Variants in FRMD4A observed in about 807,000 individuals in gnomAD.
The protein encoded by FRMD4A is FERM domain-containing protein 4A.
In FRMD4A, 29 loss-of-function variants were observed where a neutral mutation model predicts 129.1. That is an observed-to-expected ratio of 0.22 (90% CI 0.17 to 0.31). The LOEUF (loss-of-function observed/expected upper bound fraction) is 0.31, where lower values mean the gene tolerates loss of function less well. Among genes scored for constraint, FRMD4A ranks in the 10% least tolerant of loss-of-function variants. FRMD4A has a pLI of 1.00. For missense variants in FRMD4A, 1,272 were observed against 1,375.8 expected, an observed-to-expected ratio of 0.92 and a Z score of 1.19; for synonymous variants, 634 against 571.6, an observed-to-expected ratio of 1.11 and a Z score of -1.56.
At chr10:13,844,260 T>C (rs1311203578) in intron 3 of FRMD4A, among the ~76,000 whole-genome samples, 8 of 152,190 alleles carry the variant, frequency 5.3e-5, no homozygotes, top group Admixed American at 1.3e-4. Flanking sequence ...TTGGTTTATA[T>C]GTTAAACCAA....
chr10:14,309,692 A>G (rs1007996907), intron 2 of FRMD4A, among the ~76,000 whole-genome samples: 1 of 151,938 alleles, frequency 6.6e-6, no homozygotes, highest in South Asian at 2.1e-4. Context: ...CATATCTAAC[A>G]GTGGGTCCAG....
intron 2 of FRMD4A, among the ~76,000 whole-genome samples, chr10:13,977,750 T>C (rs2095547021): frequency 6.6e-6 from 1 of 152,258 alleles, no homozygotes; most frequent in Non-Finnish European, 1.5e-5. Context: ...TTTATATTAA[T>C]GGGGTCTTTG....
At chr10:13,827,774 AC>A (rs2093724735) in intron 3 of FRMD4A, among the ~76,000 whole-genome samples, 1 of 152,084 alleles carries the variant, frequency 6.6e-6, no homozygotes, top group Non-Finnish European at 1.5e-5. Context: ...CTCCAAGCCT[AC>A]CCCCAGGAGA....
rs540442058 is a variant in FRMD4A at position 13,789,936 on chromosome 10, T to A, written c.299+6560A>T. On this transcript the variant is annotated intron_variant, in intron 5 of 24. Transcript: ENST00000357447. ...AAAAAAATTATGAGCAAGGATCAGATGAGAATTCTAGAAAGATGCTCAGTG... is the reference window on the plus strand; with the variant it reads ...AAAAAAATTATGAGCAAGGATCAGAAGAGAATTCTAGAAAGATGCTCAGTG... Among the ~76,000 whole-genome samples the A allele has an allele frequency of 7.6e-4, 115 of 152,174 alleles. 2 individuals are homozygous for A. In the South Asian group the frequency reaches 0.022, roughly 30 times the overall value.
intron 2 of FRMD4A, among the ~76,000 whole-genome samples, chr10:14,047,231 A>G (rs1834026829): frequency 6.6e-6 from 1 of 152,114 alleles, no homozygotes; most frequent in Non-Finnish European, 1.5e-5. Context: ...GCTTTTATTG[A>G]TGGTCTTGCT....
At position 13,701,396 on chromosome 10, in the gene FRMD4A, T is replaced by A; in HGVS notation, c.919A>T (p.Ile307Phe). The A allele has an allele frequency of 6.2e-7, 1 of 1,614,128 alleles. No individual in the cohort carries two copies. Among genetic ancestry groups the A allele is most frequent in the Non-Finnish European group, 8.5e-7 (1 of 1,179,930 alleles). Residue 307 changes from isoleucine to phenylalanine, a missense_variant, in exon 14 of 25, where the codon ATC (isoleucine) becomes TTC (phenylalanine). This residue lies in a region of FRMD4A where 300 missense variants were observed against 483.6 expected (regional missense o/e 0.62). Transcript: ENST00000357447. Reference protein sequence around the residue: ...WYACPALIKSIWAMAISQHQF... With the variant: ...WYACPALIKSFWAMAISQHQF... ...TGTTGGCTTATGGCCATAGCCCAGA[T>A]GGACTTGATCAATGCCGGACATGCA...
At chr10:13,695,547 C>T (rs756240357) in intron 14 of FRMD4A, among the ~76,000 whole-genome samples, 6 of 152,210 alleles carry the variant, frequency 3.9e-5, no homozygotes, top group Non-Finnish European at 8.8e-5. Context: ...TTGTTTTCTT[C>T]TTCAGGAAAT....
chr10:13,709,904 A>G (rs1387215604), intron 12 of FRMD4A, among the ~76,000 whole-genome samples: 5 of 150,972 alleles, frequency 3.3e-5, no homozygotes, highest in Non-Finnish European at 7.4e-5. Context: ...TAATTTCCAT[A>G]GGTTTTTGGG....
chr10:13,891,781 G>T (rs565696469), intron 2 of FRMD4A: 2 of 961,318 alleles, frequency 2.1e-6, no homozygotes, highest in African/African-American at 1.9e-5. Flanking sequence ...CCCCGCCGCC[G>T]CCCCCGCCGC....
At chr10:14,057,432 C>T (rs1030461714) in intron 2 of FRMD4A, among the ~76,000 whole-genome samples, 11 of 152,288 alleles carry the variant, frequency 7.2e-5, no homozygotes, top group South Asian at 6.2e-4. Flanking sequence ...TACCAGGCTC[C>T]ATGGCTATTT....
rs558249233 is a variant in FRMD4A, at chr10:14,017,352, G to A, written c.46-158440C>T. On this transcript the variant is annotated intron_variant, in intron 2 of 24. Coordinates refer to ENST00000357447, the MANE Select transcript of FRMD4A (RefSeq NM_018027.5). ...CATTGATTTGCCATGTTTATGAAGT[G>A]CAGTTTCACAGGGTAAACTGTGTAA... 2.0e-5 allele frequency among the ~76,000 whole-genome samples: 3 copies of A among 152,324 alleles called. No individual in the cohort carries two copies. In the South Asian group the frequency reaches 6.2e-4, roughly 32 times the overall value.
intron 2 of FRMD4A, among the ~76,000 whole-genome samples, chr10:13,948,029 C>T (rs182840946): frequency 1.3e-5 from 2 of 149,470 alleles, no homozygotes; most frequent in Admixed American, 6.7e-5. Context: ...GAGATCTTGC[C>T]TCTATAAAAA....
intron 2 of FRMD4A, among the ~76,000 whole-genome samples, chr10:14,189,987 C>A (rs1030354040): frequency 7.2e-5 from 11 of 152,184 alleles, no homozygotes; most frequent in Admixed American, 4.6e-4. Flanking sequence ...ACATGAAGCA[C>A]CTTGATACCT....
intron 2 of FRMD4A, among the ~76,000 whole-genome samples, chr10:14,205,877 G>C (rs1288922485): frequency 6.6e-6 from 1 of 151,704 alleles, no homozygotes; most frequent in African/African-American, 2.4e-5. Context: ...GCTTGATTTG[G>C]GATGTAAAAG....
intron 4 of FRMD4A, among the ~76,000 whole-genome samples, chr10:13,804,958 C>T (rs1236089997): frequency 6.6e-6 from 1 of 152,216 alleles, no homozygotes; most frequent in East Asian, 1.9e-4. Context: ...AAGAAAAGAT[C>T]CTTAATTGTT....
intron 2 of FRMD4A, among the ~76,000 whole-genome samples, chr10:14,080,191 C>T (rs911041332): frequency 6.6e-6 from 1 of 152,202 alleles, no homozygotes; most frequent in African/African-American, 2.4e-5. Context: ...AGCTACTGGG[C>T]TTGTCACCCA....
At chr10:13,666,642 G>A (rs1424726053) in intron 17 of FRMD4A, among the ~76,000 whole-genome samples, 3 of 152,178 alleles carry the variant, frequency 2.0e-5, no homozygotes, top group Non-Finnish European at 2.9e-5. Flanking sequence ...ACAAACCAAA[G>A]CCTTTGGAGA....
intron 2 of FRMD4A, among the ~76,000 whole-genome samples, chr10:14,271,141 A>G (rs1001177687): frequency 6.6e-6 from 1 of 152,132 alleles, no homozygotes; most frequent in Admixed American, 6.5e-5. Flanking sequence ...GTGATGGCTC[A>G]CTTATCACCA....
At chr10:13,683,669 A>C (rs2084822381) in intron 15 of FRMD4A, among the ~76,000 whole-genome samples, 1 of 151,558 alleles carries the variant, frequency 6.6e-6, no homozygotes, top group Non-Finnish European at 1.5e-5. Context: ...CACAGCCGGG[A>C]GCTAACTGGG....
Sources: allele counts gnomAD v4.1 joint callset (sites outside exome capture counted in the v4.1 genomes callset), GRCh38; gene constraint gnomAD v4.1.1; regional missense constraint gnomAD v4.1.1; transcripts MANE v1.5; gene names NCBI Gene and HGNC (gene_info 2026-07-23, HGNC 2026-07-21).